The following CFAP43 variants were observed in gnomAD, a reference collection of about 807,000 sequenced individuals.
CFAP43 encodes the protein cilia and flagella associated protein 43.
CFAP43 carries 155 observed loss-of-function variants against 218.9 expected under a neutral mutation model. The ratio of observed to expected loss-of-function variants is 0.71; its 90% CI spans 0.62 to 0.81. CFAP43 has a LOEUF of 0.81. CFAP43 is among the 30% of genes least tolerant of loss of function. The pLI is 0.00. For synonymous variants in CFAP43, 645 were observed against 681.3 expected, an observed-to-expected ratio of 0.95 and a Z score of 0.83; for missense variants, 1,778 against 1,954.3, an observed-to-expected ratio of 0.91 and a Z score of 1.70.
Position 104,186,033 on chromosome 10 carries a change from A to G in CFAP43, c.1951T>C (p.Leu651=), listed in dbSNP as rs1306557607. ...CATTTAGCTATTGTTATGAGCCACAATCCATGTGAAGACAGATAGAGCAGT... is the reference window on the plus strand; with the variant it reads ...CATTTAGCTATTGTTATGAGCCACAGTCCATGTGAAGACAGATAGAGCAGT... ...PGLLYLSSHG[L]WLITIAKCGI... Residue 651 remains leucine, a synonymous_variant, in exon 15 of 38, where the codon TTG becomes CTG. Coordinates refer to ENST00000357060, the MANE Select transcript of CFAP43 (RefSeq NM_025145.7). 2.5e-6 allele frequency: 4 copies of G among 1,611,336 alleles called. No individual in the cohort carries two copies. Among genetic ancestry groups the G allele is most frequent in the East Asian group, 2.2e-5 (1 of 44,798 alleles).
intron 13 of CFAP43, 63 bp downstream of exon 13, chr10:104,188,207 A>G: frequency 6.4e-7 from 1 of 1,569,946 alleles, no homozygotes; most frequent in South Asian, 1.2e-5. Context: ...AACAAACCCA[A>G]AAAACAATAA....
At position 104,130,135 on chromosome 10, in the gene CFAP43, GT is replaced by G; in HGVS notation, c.*3del. 6.4e-7 allele frequency: 1 copy of G among 1,567,676 alleles called. No individual in the cohort carries two copies. Among genetic ancestry groups the G allele is most frequent in the Non-Finnish European group, 8.6e-7 (1 of 1,161,046 alleles). On this transcript the variant is annotated 3_prime_UTR_variant, in exon 38 of 38. Coordinates refer to ENST00000357060, the MANE Select transcript of CFAP43 (RefSeq NM_025145.7). ...TTTGGCCTTGTGTTTTCCTGCCAGC[GT>G]TTTTACATTTGAACAAGAGCAGGAA... is the stretch of plus-strand genomic sequence containing the variant.
In CFAP43 at chr10:104,140,843, C is replaced by A; in HGVS notation, c.4430G>T (p.Arg1477Leu). The A allele has an allele frequency of 6.3e-7, 1 of 1,590,198 alleles. No individual in the cohort carries two copies. Among genetic ancestry groups the A allele is most frequent in the South Asian group, 1.2e-5 (1 of 86,232 alleles). ...AATAAAAATAAAAAGTATAATTACC[C>A]GAATCACAGAATTCAAGTCTTCAAT... ...NIIEDLNSVI[R>L]TQGQKKVASM... Residue 1477 changes from arginine to leucine, a missense_variant and splice_region_variant, in exon 34 of 38, where the codon CGG becomes CTG. By Grantham distance (102) the Arg-to-Leu change is moderately radical. Transcript: ENST00000357060.
At chr10:104,208,352 G>C (rs2090757962) in intron 5 of CFAP43, among the ~76,000 whole-genome samples, 2 of 152,118 alleles carry the variant, frequency 1.3e-5, no homozygotes, top group Admixed American at 1.3e-4. Context: ...CACAATACCA[G>C]TGAATCTGTG....
chr10:104,196,801 A>T, intron 10 of CFAP43, 52 bp downstream of exon 10: 1 of 1,425,342 alleles, frequency 7.0e-7, no homozygotes, highest in Non-Finnish European at 9.7e-7. Flanking sequence ...GAAAAAGTAG[A>T]TTGGATTAGA....
At chr10:104,134,074 C>G (rs941156434) in intron 34 of CFAP43, among the ~76,000 whole-genome samples, 5 of 152,104 alleles carry the variant, frequency 3.3e-5, no homozygotes, top group African/African-American at 1.2e-4. Context: ...AATCTACCAA[C>G]CTGTATGCAT....
Position 104,225,455 on chromosome 10 carries a change from A to T in CFAP43, c.416+6T>A. ...AAAAGGAATTCCACAGGATGCTGAA[A>T]CTTACCAAAGGGCCAGTTCAAATTC... On this transcript the variant is annotated splice_donor_region_variant and intron_variant, in intron 3 of 37. Transcript: ENST00000357060. 6.2e-7 allele frequency: 1 copy of T among 1,605,378 alleles called. No homozygotes were observed.
At chr10:104,207,233 CT>C (rs1564798679) in intron 6 of CFAP43, among the ~76,000 whole-genome samples, 1 of 151,894 alleles carries the variant, frequency 6.6e-6, no homozygotes, top group African/African-American at 2.4e-5. Context: ...TTCAAGATGG[CT>C]TTTGGGCTTA....
At chr10:104,230,375 G>C (rs2091417532) in intron 2 of CFAP43, among the ~76,000 whole-genome samples, 1 of 152,084 alleles carries the variant, frequency 6.6e-6, no homozygotes, top group African/African-American at 2.4e-5. Context: ...TGAGGCAGGA[G>C]AATCACTTGA....
intron 12 of CFAP43, among the ~76,000 whole-genome samples, chr10:104,191,541 T>C (rs1391184388): frequency 6.6e-6 from 1 of 152,094 alleles, no homozygotes; most frequent in Non-Finnish European, 1.5e-5. Context: ...GAATTGCTGC[T>C]GTATCTGAGC....
At position 104,186,905 on chromosome 10, in the gene CFAP43, T is replaced by A. The variant is rs112415247; in HGVS notation, c.1860+415A>T. ...CAATGCATGAGAAGTCTGAAGAGAG[T>A]GTAATGAAAAAATGTCAGAAACACA... On this transcript the variant is annotated intron_variant, in intron 14 of 37. Coordinates refer to ENST00000357060, the MANE Select transcript of CFAP43 (RefSeq NM_025145.7). 8.0e-3 allele frequency among the ~76,000 whole-genome samples: 1,221 copies of A among 152,052 alleles called. 12 individuals are homozygous for A. The highest frequency in any genetic ancestry group is 0.025 in the African/African-American group (1,016 of 41,462).
At chr10:104,145,703 T>C in intron 30 of CFAP43, 139 bp from the exon 31 acceptor site, 1 of 522,234 alleles carries the variant, frequency 1.9e-6, no homozygotes, top group Non-Finnish European at 3.4e-6. Flanking sequence ...TTGTTAGACA[T>C]TAACCATTCT....
intron 3 of CFAP43, among the ~76,000 whole-genome samples, chr10:104,217,920 A>G (rs1000726179): frequency 6.6e-6 from 1 of 152,270 alleles, no homozygotes; most frequent in Non-Finnish European, 1.5e-5. Flanking sequence ...AAAGCTTCAT[A>G]AACTATTTAC....
intron 2 of CFAP43, among the ~76,000 whole-genome samples, chr10:104,226,209 C>T (rs1229725155): frequency 6.6e-6 from 1 of 152,184 alleles, no homozygotes; most frequent in East Asian, 1.9e-4. Context: ...CAGTGGGGTT[C>T]CACAGGTGCA....
At chr10:104,199,157 G>A (rs1302569103) in intron 8 of CFAP43, among the ~76,000 whole-genome samples, 1 of 152,120 alleles carries the variant, frequency 6.6e-6, no homozygotes, top group African/African-American at 2.4e-5. Flanking sequence ...AGGTATGGCT[G>A]AAGCTGTCAC....
chr10:104,143,343 C>A lies in CFAP43; in HGVS notation c.4158+83G>T, dbSNP rs112383207. 5.0e-6 allele frequency: 6 copies of A among 1,210,716 alleles called. No homozygotes were observed. The African/African-American group carries it at 7.7e-5, about 16-fold the overall frequency. 75.0% of individuals were successfully genotyped at this position (1,210,716 alleles called of 1,614,324 possible). ...CTAGCAGGGAAACCTAAATAATTAG[C>A]TTTTTTGGTTACACTGACCAATGTA... On this transcript the variant is annotated intron_variant, in intron 32 of 37. Coordinates refer to ENST00000357060, the MANE Select transcript of CFAP43 (RefSeq NM_025145.7).
Position 104,187,568 on chromosome 10 carries a change from A to T in CFAP43, c.1688-76T>A, listed in dbSNP as rs562771079. On this transcript the variant is annotated intron_variant, in intron 13 of 37. Transcript: ENST00000357060. ...TGTTTTTTTAAAATTATGAACAATTATGAAAAGCAAAATAAAATTTAAATG... is the reference window on the plus strand; with the variant it reads ...TGTTTTTTTAAAATTATGAACAATTTTGAAAAGCAAAATAAAATTTAAATG... The T allele has an allele frequency of 2.4e-5, 31 of 1,266,616 alleles. No individual in the cohort carries two copies. In the East Asian group the frequency reaches 8.6e-4, roughly 35 times the overall value. The allele number at this position is 1,266,616 out of a possible 1,614,324, so 78.5% of individuals were successfully genotyped here. A position where few individuals can be genotyped will look rare whatever the true frequency, so the allele number is the denominator to read the frequency against.
At chr10:104,149,113 G>C (rs2088122611) in intron 28 of CFAP43, among the ~76,000 whole-genome samples, 1 of 152,142 alleles carries the variant, frequency 6.6e-6, no homozygotes, top group African/African-American at 2.4e-5. Flanking sequence ...TTTAATGCCT[G>C]TATATTCATG....
At chr10:104,226,565 C>CA (rs139085332) in intron 2 of CFAP43, among the ~76,000 whole-genome samples, 18,904 of 148,342 alleles carry the variant, frequency 0.13, 1,304 homozygotes, top group South Asian at 0.22. Flanking sequence ...AAGAAAATGC[C>CA]AAAAAAAAAG....
Sources: gnomAD v4.1 joint callset for allele counts (sites outside exome capture counted in the v4.1 genomes callset) on GRCh38, gnomAD v4.1.1 for gene constraint, MANE v1.5 for transcripts, NCBI Gene and HGNC (gene_info 2026-07-23, HGNC 2026-07-21) for gene names.